The following GASK1A variants were observed in gnomAD, a reference collection of about 807,000 sequenced individuals.
GASK1A encodes the protein Golgi-associated kinase 1A.
In GASK1A, 40 loss-of-function variants were observed where a neutral mutation model predicts 41.2. The ratio of observed to expected loss-of-function variants is 0.97; its 90% CI spans 0.75 to 1.27. The LOEUF (loss-of-function observed/expected upper bound fraction) is 1.27. Ranked by LOEUF, GASK1A falls within the 50% of genes most tolerant of loss-of-function variation. GASK1A has a pLI of 0.00. For synonymous variants in GASK1A, 316 were observed against 307.1 expected (o/e 1.03, Z -0.30); for missense variants, 678 against 745.1 (o/e 0.91, Z 1.05).
chr3:43,053,862 G>C, intron 3 of GASK1A: 2 of 669,822 alleles, frequency 3.0e-6, no homozygotes, highest in Non-Finnish European at 5.4e-6. Context: ...GAGGGGTGTG[G>C]GGTGGGGGCT....
chr3:43,048,679 G>T (rs1259897406), intron 2 of GASK1A, among the ~76,000 whole-genome samples: 1 of 152,184 alleles, frequency 6.6e-6, no homozygotes, highest in Non-Finnish European at 1.5e-5. Context: ...ATAAGTCATT[G>T]TTTGAAGCTT....
At chr3:43,011,824 C>T (rs1442637883) in intron 1 of GASK1A, among the ~76,000 whole-genome samples, 3 of 144,912 alleles carry the variant, frequency 2.1e-5, no homozygotes, top group Non-Finnish European at 3.0e-5. Flanking sequence ...TATGAAGCCA[C>T]AGGAAGAGGC....
chr3:43,007,325 C>G (rs536526025), intron 1 of GASK1A, among the ~76,000 whole-genome samples: 1 of 152,262 alleles, frequency 6.6e-6, no homozygotes, highest in Admixed American at 6.5e-5. Context: ...CAGTATAGTC[C>G]CCACTGCCCT....
At chr3:43,002,387 G>A (rs1013089695) in intron 1 of GASK1A, among the ~76,000 whole-genome samples, 5 of 152,138 alleles carry the variant, frequency 3.3e-5, no homozygotes, top group Non-Finnish European at 7.3e-5. Context: ...CTGATCTCTC[G>A]TAAGTTGGGA....
chr3:42,994,597 A>C (rs1306102829), intron 1 of GASK1A, among the ~76,000 whole-genome samples: 1 of 152,032 alleles, frequency 6.6e-6, no homozygotes, highest in Non-Finnish European at 1.5e-5. Context: ...TTCGGTAGAC[A>C]AGCAGAACAT....
rs61149633 is a variant in GASK1A, at chr3:43,042,305, C to CA, written c.1290+8773dup. Among the ~76,000 whole-genome samples, 519 of 132,134 alleles carry CA rather than the reference C, an allele frequency of 3.9e-3. 10 individuals are homozygous for CA. Among genetic ancestry groups the CA allele is most frequent in the African/African-American group, 0.015 (482 of 32,252 alleles). The allele number at this position is 132,134 out of a possible 152,430, so 86.7% of individuals were successfully genotyped here. On this transcript the variant is annotated intron_variant, in intron 2 of 4. Coordinates refer to ENST00000430121, the MANE Select transcript of GASK1A (RefSeq NM_001129908.3). ...GCAATATAGGGAAACCTTGTCCCTACAAAAAAAAAAAAAAAAAAAAATTAA... is the reference window on the plus strand; with the variant it reads ...GCAATATAGGGAAACCTTGTCCCTACAAAAAAAAAAAAAAAAAAAAAATTAA...
chr3:42,982,388 G>A (rs886341839), intron 1 of GASK1A, among the ~76,000 whole-genome samples: 2 of 152,094 alleles, frequency 1.3e-5, no homozygotes, highest in African/African-American at 4.8e-5. Flanking sequence ...AACTTCTACA[G>A]GAACCATGAT....
chr3:42,997,946 T>C (rs1473305076), intron 1 of GASK1A, among the ~76,000 whole-genome samples: 2 of 152,144 alleles, frequency 1.3e-5, no homozygotes, highest in Non-Finnish European at 2.9e-5. Flanking sequence ...TGGGAGGCCG[T>C]GAGGAACATG....
intron 2 of GASK1A, among the ~76,000 whole-genome samples, chr3:43,036,336 C>T (rs755441744): frequency 1.3e-4 from 20 of 152,204 alleles, no homozygotes; most frequent in Non-Finnish European, 2.2e-4. Context: ...GGCTGTAGAA[C>T]GTGGGTTTTC....
At chr3:43,031,803 A>T (rs2089577355) in intron 1 of GASK1A, among the ~76,000 whole-genome samples, 1 of 152,202 alleles carries the variant, frequency 6.6e-6, no homozygotes, top group Admixed American at 6.5e-5. Flanking sequence ...TGGCAAAGTC[A>T]TCTCTAACTG....
Position 43,054,832 on chromosome 3 carries a change from T to C in GASK1A, c.1414-600T>C, listed in dbSNP as rs567008938. On this transcript the variant is annotated intron_variant, in intron 3 of 4. Coordinates refer to ENST00000430121, the MANE Select transcript of GASK1A (RefSeq NM_001129908.3). ...AGAATCAGATTATGGTCAGTGCTTT[T>C]TGAGGATAAAGGATATGTCTGTGAT... 9.7e-4 allele frequency among the ~76,000 whole-genome samples: 148 copies of C among 152,316 alleles called. 1 individual carries two copies. The highest frequency in any genetic ancestry group is 6.0e-3 in the South Asian group (29 of 4,824).
chr3:42,982,195 T>C (rs1310949639), intron 1 of GASK1A, among the ~76,000 whole-genome samples: 1 of 152,194 alleles, frequency 6.6e-6, no homozygotes, highest in Non-Finnish European at 1.5e-5. Flanking sequence ...GTTTCTTTCT[T>C]TGCAGTGGTG....
At chr3:42,988,666 G>A (rs576498715) in intron 1 of GASK1A, among the ~76,000 whole-genome samples, 2 of 152,308 alleles carry the variant, frequency 1.3e-5, no homozygotes, top group Non-Finnish European at 2.9e-5. Context: ...GCCATGCAGC[G>A]GGGCTCCCGG....
In GASK1A at chr3:42,994,588, T is replaced by A. The variant is rs76131149; in HGVS notation, c.3+14943T>A. 8.9e-3 allele frequency among the ~76,000 whole-genome samples: 1,355 copies of A among 152,066 alleles called. 18 individuals are homozygous for A. Among genetic ancestry groups the A allele is most frequent in the African/African-American group, 0.031 (1,285 of 41,480 alleles). Reference sequence around the variant, plus strand: ...GCTTGGGACTGGGCTGAGAGGGCATTCGGTAGACAAGCAGAACATTTTCTT... The same window carrying A: ...GCTTGGGACTGGGCTGAGAGGGCATACGGTAGACAAGCAGAACATTTTCTT... On this transcript the variant is annotated intron_variant, in intron 1 of 4. Coordinates refer to ENST00000430121, the MANE Select transcript of GASK1A (RefSeq NM_001129908.3).
At chr3:43,037,636 T>C (rs2089611069) in intron 2 of GASK1A, among the ~76,000 whole-genome samples, 1 of 152,150 alleles carries the variant, frequency 6.6e-6, no homozygotes, top group Admixed American at 6.5e-5. Flanking sequence ...TAACCAGTTA[T>C]AGTCAAAATG....
intron 1 of GASK1A, among the ~76,000 whole-genome samples, chr3:42,980,399 T>C (rs1444063641): frequency 6.6e-6 from 1 of 152,212 alleles, no homozygotes; most frequent in Non-Finnish European, 1.5e-5. Context: ...GCTGGTTAGT[T>C]GCTCTGCTTC....
Position 42,980,052 on chromosome 3 carries a change from A to G in GASK1A, c.3+407A>G, listed in dbSNP as rs113612299. Among the ~76,000 whole-genome samples the G allele has an allele frequency of 6.5e-3, 993 of 152,230 alleles. 10 individuals are homozygous for G. Among genetic ancestry groups the G allele is most frequent in the Middle Eastern group, 0.02 (6 of 294 alleles). ...CCAAAGTTCATGTGAATTTTATACT[A>G]TCTTCTCTAATTTAGCTATGTATTG... is the stretch of plus-strand genomic sequence containing the variant. On this transcript the variant is annotated intron_variant, in intron 1 of 4. Transcript: ENST00000430121.
chr3:42,986,875 C>T (rs189640935), intron 1 of GASK1A, among the ~76,000 whole-genome samples: 168 of 152,266 alleles, frequency 1.1e-3, no homozygotes, highest in Non-Finnish European at 1.1e-3. Context: ...GAACCTCCAG[C>T]CCTTGGTAAT....
chr3:43,028,728 G>C (rs1412103831), intron 1 of GASK1A, among the ~76,000 whole-genome samples: 1 of 152,190 alleles, frequency 6.6e-6, no homozygotes, highest in Non-Finnish European at 1.5e-5. Flanking sequence ...GGGAGCACAG[G>C]TTGTCTAGAG....
Sources: allele counts gnomAD v4.1 joint callset (sites outside exome capture counted in the v4.1 genomes callset), GRCh38; gene constraint gnomAD v4.1.1; transcripts MANE v1.5; gene names NCBI Gene and HGNC (gene_info 2026-07-23, HGNC 2026-07-21).